Variants in FAAH2 observed in about 807,000 individuals in gnomAD.
FAAH2 encodes fatty acid amide hydrolase 2.
FAAH2 carries 60 observed loss-of-function variants against 36.9 expected under a neutral mutation model. That is an observed-to-expected ratio of 1.63 (90% CI 1.32 to 2.02). FAAH2 has a LOEUF of 2.02. Ranked by LOEUF, FAAH2 falls within the 30% of genes most tolerant of loss-of-function variation. The pLI is 0.00. For missense variants in FAAH2, 689 were observed against 397.5 expected, an observed-to-expected ratio of 1.73 and a Z score of -6.23; for synonymous variants, 214 against 143.8, an observed-to-expected ratio of 1.49 and a Z score of -3.49.
the FAAH2 span, among the ~76,000 whole-genome samples, chrX:57,177,577 AATATATATATATATATATAT>A: frequency 7.8e-4 from 27 of 34,790 alleles, no homozygotes; most frequent in East Asian, 0.01. Context: ...TCAAAATTTA[AATATATATATATATATATAT>A]ATATATATAT....
chrX:57,142,630 T>C, the FAAH2 span, among the ~76,000 whole-genome samples: 1 of 111,858 alleles, frequency 8.9e-6, no homozygotes, highest in African/African-American at 3.2e-5. Context: ...TCCAAGTTTA[T>C]GGTGCAGATT....
At chrX:57,251,157 C>A in the FAAH2 span, among the ~76,000 whole-genome samples, 1 of 111,918 alleles carries the variant, frequency 8.9e-6, no homozygotes, top group Non-Finnish European at 1.9e-5. Context: ...ACAACATAAT[C>A]AAGTGGAATT....
the FAAH2 span, among the ~76,000 whole-genome samples, chrX:57,265,540 C>T: frequency 2.2e-4 from 24 of 111,385 alleles, no homozygotes; most frequent in Non-Finnish European, 4.3e-4. Context: ...AGAAGAGATC[C>T]CCCAGCACAG....
At chrX:57,179,139 G>T in the FAAH2 span, among the ~76,000 whole-genome samples, 1 of 111,252 alleles carries the variant, frequency 9.0e-6, no homozygotes, top group Non-Finnish European at 1.9e-5. Context: ...CCTATAAAAA[G>T]GAAAGACCAT....
chrX:57,198,196 G>A, the FAAH2 span, among the ~76,000 whole-genome samples: 1 of 111,563 alleles, frequency 9.0e-6, no homozygotes, highest in Non-Finnish European at 1.9e-5. Context: ...TCATCATGTG[G>A]GGGCATGGTT....
chrX:57,458,461 C>A (rs2056899975), intron 10 of FAAH2, among the ~76,000 whole-genome samples: 1 of 110,490 alleles, frequency 9.1e-6, no homozygotes, highest in Non-Finnish European at 1.9e-5. Flanking sequence ...CCACTGCACT[C>A]CAACCTGGGT....
At chrX:57,265,643 G>A in the FAAH2 span, among the ~76,000 whole-genome samples, 2 of 111,820 alleles carry the variant, frequency 1.8e-5, no homozygotes, top group Non-Finnish European at 1.9e-5. Context: ...CCCAACCAAG[G>A]CCTGCAGCCC....
At chrX:57,151,385 C>G in the FAAH2 span, among the ~76,000 whole-genome samples, 5 of 112,105 alleles carry the variant, frequency 4.5e-5, 1 homozygote, top group South Asian at 1.9e-3. Flanking sequence ...CTCCCCGTCA[C>G]TTTCAGGTAC....
chrX:57,139,217 A>T, the FAAH2 span, among the ~76,000 whole-genome samples: 1 of 111,671 alleles, frequency 9.0e-6, no homozygotes, highest in Admixed American at 9.5e-5. Context: ...ATCCATTTTG[A>T]TTTGAGTGTT....
intron 5 of FAAH2, among the ~76,000 whole-genome samples, chrX:57,357,626 C>T (rs2054191012): frequency 2.7e-5 from 3 of 111,674 alleles, no homozygotes; most frequent in Non-Finnish European, 5.7e-5. Flanking sequence ...CACATCAAAA[C>T]CACGATAAGA....
At chrX:57,358,093 C>A (rs765372056) in intron 5 of FAAH2, among the ~76,000 whole-genome samples, 24 of 109,860 alleles carry the variant, frequency 2.2e-4, no homozygotes, top group Non-Finnish European at 3.8e-4. Context: ...ATAAGGTTGG[C>A]TTTATAGTGT....
At chrX:57,358,835 G>A (rs1020313014) in intron 5 of FAAH2, among the ~76,000 whole-genome samples, 4 of 111,113 alleles carry the variant, frequency 3.6e-5, no homozygotes, top group African/African-American at 1.3e-4. Flanking sequence ...TGCATTCCCA[G>A]CAACAGTACA....
chrX:57,146,740 T>C, the FAAH2 span, among the ~76,000 whole-genome samples: 5 of 112,079 alleles, frequency 4.5e-5, no homozygotes, highest in Non-Finnish European at 9.4e-5. Flanking sequence ...GTATGTCTCT[T>C]CTATGCTGAT....
intron 10 of FAAH2, among the ~76,000 whole-genome samples, chrX:57,457,418 C>T (rs1179954632): frequency 1.8e-5 from 2 of 110,366 alleles, no homozygotes; most frequent in Admixed American, 1.9e-4. Context: ...TTCACCACTC[C>T]TATTCAATAT....
At chrX:57,480,690 T>A (rs2057363119) in intron 10 of FAAH2, among the ~76,000 whole-genome samples, 1 of 111,408 alleles carries the variant, frequency 9.0e-6, no homozygotes, top group Non-Finnish European at 1.9e-5. Flanking sequence ...CATTTCAATA[T>A]TGGAGAATCT....
In FAAH2 at chrX:57,489,051, A is replaced by G; in HGVS notation, c.*119A>G. ...AGAGAAACAACTGGGGAATTTATTG[A>G]CTCATTTAGTTATTCTTTCTACTTT... On this transcript the variant is annotated 3_prime_UTR_variant, in exon 11 of 11. Coordinates refer to ENST00000374900, the MANE Select transcript of FAAH2 (RefSeq NM_174912.4). 1.4e-6 allele frequency: 1 copy of G among 723,156 alleles called. No individual in the cohort carries two copies. Among genetic ancestry groups the G allele is most frequent in the Non-Finnish European group, 1.9e-6 (1 of 516,773 alleles). 59.6% of individuals were successfully genotyped at this position (723,156 alleles called of 1,213,427 possible).
the FAAH2 span, among the ~76,000 whole-genome samples, chrX:57,201,872 G>A: frequency 4.5e-5 from 5 of 111,434 alleles, no homozygotes; most frequent in East Asian, 1.4e-3. Context: ...CAAATAGCCT[G>A]TCTTCTAGCT....
At chrX:57,273,975 G>GT in the FAAH2 span, among the ~76,000 whole-genome samples, 3 of 111,178 alleles carry the variant, frequency 2.7e-5, no homozygotes, top group South Asian at 3.8e-4. Flanking sequence ...TTCAGGAGTT[G>GT]TTTTTTTAGA....
chrX:57,375,694 C>T (rs1411983816), intron 5 of FAAH2, among the ~76,000 whole-genome samples: 4 of 110,900 alleles, frequency 3.6e-5, no homozygotes, highest in Non-Finnish European at 5.7e-5. Flanking sequence ...ATCTATTGGC[C>T]ATTTGGATTT....
Sources: gnomAD v4.1 joint callset for allele counts (sites outside exome capture counted in the v4.1 genomes callset) on GRCh38, gnomAD v4.1.1 for gene constraint, MANE v1.5 for transcripts, NCBI Gene and HGNC (gene_info 2026-07-23, HGNC 2026-07-21) for gene names.